The following SHISA9 variants were observed in gnomAD, a reference collection of about 807,000 sequenced individuals.
SHISA9 encodes the protein shisa family member 9, also known as protein shisa-9.
In SHISA9, 13 loss-of-function variants were observed where a neutral mutation model predicts 38.0. The ratio of observed to expected loss-of-function variants is 0.34; its 90% CI spans 0.22 to 0.54. SHISA9 has a LOEUF of 0.54. Among genes scored for constraint, SHISA9 ranks in the 20% least tolerant of loss-of-function variants. The pLI is 0.91. For synonymous variants in SHISA9, 275 were observed against 242.0 expected (o/e 1.14, Z -1.27); for missense variants, 538 against 575.8 (o/e 0.93, Z 0.67).
At chr16:13,188,174 A>C (rs2050846781) in intron 2 of SHISA9, among the ~76,000 whole-genome samples, 1 of 152,348 alleles carries the variant, frequency 6.6e-6, no homozygotes, top group Admixed American at 6.5e-5. Context: ...ACTCCAAAAA[A>C]GAGCAAACAA....
intron 2 of SHISA9, among the ~76,000 whole-genome samples, chr16:13,115,551 C>T (rs2074023717): frequency 6.6e-6 from 1 of 152,204 alleles, no homozygotes; most frequent in Non-Finnish European, 1.5e-5. Flanking sequence ...TGCCCTCATT[C>T]CCTTAAACCC....
chr16:13,337,897 C>T, the SHISA9 span, among the ~76,000 whole-genome samples: 1 of 152,122 alleles, frequency 6.6e-6, no homozygotes, highest in East Asian at 1.9e-4. Flanking sequence ...TTCATTCCAC[C>T]AGGATTCTAA....
At chr16:13,363,674 G>C in the SHISA9 span, among the ~76,000 whole-genome samples, 2 of 152,224 alleles carry the variant, frequency 1.3e-5, no homozygotes, top group South Asian at 4.1e-4. Context: ...TAGAGCTCCA[G>C]AGACAAGCAG....
chr16:13,283,301 T>G, the SHISA9 span, among the ~76,000 whole-genome samples: 1 of 152,242 alleles, frequency 6.6e-6, no homozygotes, highest in Non-Finnish European at 1.5e-5. Context: ...CAGATCTTAT[T>G]TGGGTTTTCT....
At chr16:13,460,877 T>C in the SHISA9 span, among the ~76,000 whole-genome samples, 774 of 152,312 alleles carry the variant, frequency 5.1e-3, 4 homozygotes, top group African/African-American at 0.018. Context: ...AAACTGGACT[T>C]GCCTTCCAGA....
chr16:13,383,169 G>A, the SHISA9 span, among the ~76,000 whole-genome samples: 2 of 152,226 alleles, frequency 1.3e-5, no homozygotes, highest in East Asian at 3.8e-4. Flanking sequence ...TAGAAAGAAG[G>A]TGGTGGGAGA....
At chr16:13,325,267 C>A in the SHISA9 span, among the ~76,000 whole-genome samples, 16 of 152,296 alleles carry the variant, frequency 1.1e-4, no homozygotes, top group Non-Finnish European at 2.2e-4. Context: ...TGTCGTGTGT[C>A]ATGTCATGAC....
intron 2 of SHISA9, among the ~76,000 whole-genome samples, chr16:13,145,391 G>C (rs1242287797): frequency 6.6e-6 from 1 of 152,188 alleles, no homozygotes; most frequent in African/African-American, 2.4e-5. Context: ...GCCAGGTGTG[G>C]TGGTAGGCAC....
chr16:13,309,668 T>G, the SHISA9 span, among the ~76,000 whole-genome samples: 1 of 149,810 alleles, frequency 6.7e-6, no homozygotes, highest in Non-Finnish European at 1.5e-5. Context: ...AAAAGAAAGT[T>G]GGAGAAAAAA....
Position 13,213,114 on chromosome 16 carries a change from T to A in SHISA9, c.848-139T>A. On this transcript the variant is annotated intron_variant, in intron 3 of 4. Transcript: ENST00000558583. The stretch of plus-strand genomic sequence containing the variant: ...CATTTTCACACGTGGCTCCCTTCCC[T>A]GTTCCCTGGGTCCCCTGAGGCCTGT... 2 of 680,974 alleles carry A rather than the reference T, an allele frequency of 2.9e-6. 1 individual carries two copies. The allele number at this position is 680,974 out of a possible 1,614,324, so 42.2% of individuals were successfully genotyped here.
chr16:13,341,281 C>T, the SHISA9 span, among the ~76,000 whole-genome samples: 1 of 152,188 alleles, frequency 6.6e-6, no homozygotes, highest in Admixed American at 6.5e-5. Context: ...CCACCCTTGC[C>T]TGTCTTAAAG....
chr16:13,032,106 A>G (rs1187782612), intron 2 of SHISA9, among the ~76,000 whole-genome samples: 1 of 151,798 alleles, frequency 6.6e-6, no homozygotes, highest in Admixed American at 6.6e-5. Flanking sequence ...TGCTGTACCT[A>G]TCAACCTGTC....
the SHISA9 span, among the ~76,000 whole-genome samples, chr16:13,516,043 A>G: frequency 1.3e-5 from 2 of 152,324 alleles, no homozygotes; most frequent in East Asian, 1.9e-4. Flanking sequence ...GACTTATCTT[A>G]CCTTCCAATT....
chr16:12,998,065 G>C (rs2141838746), intron 2 of SHISA9, among the ~76,000 whole-genome samples: 1 of 152,284 alleles, frequency 6.6e-6, no homozygotes, highest in African/African-American at 2.4e-5. Context: ...TGCGGTACCT[G>C]TACATAAGAC....
intron 2 of SHISA9, among the ~76,000 whole-genome samples, chr16:13,081,827 G>A (rs576269737): frequency 6.6e-6 from 1 of 151,446 alleles, no homozygotes; most frequent in African/African-American, 2.4e-5. Flanking sequence ...ACTCCAACCT[G>A]GGTGATAGAG....
At chr16:13,244,360 C>G (rs1459067972), downstream of SHISA9, among the ~76,000 whole-genome samples, 1 of 152,102 alleles carries the variant, frequency 6.6e-6, no homozygotes, top group African/African-American at 2.4e-5. Context: ...CTCTGCCACC[C>G]CTGAGACAGC....
At chr16:13,076,631 C>T (rs2073586022) in intron 2 of SHISA9, among the ~76,000 whole-genome samples, 1 of 152,172 alleles carries the variant, frequency 6.6e-6, no homozygotes, top group African/African-American at 2.4e-5. Context: ...CCTCTTCTAG[C>T]CCTTTTCCTA....
chr16:13,109,265 A>AT (rs1424367976), intron 2 of SHISA9, among the ~76,000 whole-genome samples: 4 of 151,982 alleles, frequency 2.6e-5, no homozygotes, highest in Non-Finnish European at 5.9e-5. Context: ...GGCTCAAGCA[A>AT]TCCTCCCACC....
chr16:13,397,584 G>A, the SHISA9 span, among the ~76,000 whole-genome samples: 4 of 152,206 alleles, frequency 2.6e-5, no homozygotes, highest in South Asian at 2.1e-4. Context: ...ACAGGTGCAC[G>A]CCACCACACC....
Sources: allele counts gnomAD v4.1 joint callset (sites outside exome capture counted in the v4.1 genomes callset), GRCh38; gene constraint gnomAD v4.1.1; transcripts MANE v1.5; gene names NCBI Gene and HGNC (gene_info 2026-07-23, HGNC 2026-07-21).